Variants in RWDD4 observed in about 807,000 individuals in gnomAD.
RWDD4 encodes the protein RWD domain-containing protein 4.
Under a neutral mutation model 30.0 loss-of-function variants are expected in RWDD4, and 16 were observed. The observed-to-expected ratio is 0.53, with a 90% CI of 0.36 to 0.81. The LOEUF is 0.81. Ranked by LOEUF, RWDD4 falls within the 30% of genes least tolerant of loss-of-function variation. The pLI, the probability that RWDD4 is intolerant of heterozygous loss-of-function variation, is 0.00. For synonymous variants in RWDD4, 45 were observed against 72.1 expected (o/e 0.62, Z 1.90); for missense variants, 170 against 223.9 (o/e 0.76, Z 1.54).
intron 7 of RWDD4, among the ~76,000 whole-genome samples, chr4:183,642,314 C>T (rs1272214744): frequency 7.8e-6 from 1 of 127,556 alleles, no homozygotes; most frequent in Non-Finnish European, 1.6e-5. Flanking sequence ...CTCAGCCTCC[C>T]AAGTAGCTGG....
chr4:183,654,315 T>C (rs7668200), intron 2 of RWDD4, among the ~76,000 whole-genome samples: 11,140 of 152,040 alleles, frequency 0.073, 1,361 homozygotes, highest in African/African-American at 0.26. Flanking sequence ...TGCTTCAGAG[T>C]GCCAACTAGT....
In RWDD4 at chr4:183,642,464, C is replaced by T. The variant is rs1344563872; in HGVS notation, c.535-996G>A. ...TCGGCCTCCCAAAGTGCTGGGATTA[C>T]AGGCGTGAGCCACCACGCCCCACCC... is the stretch of plus-strand genomic sequence containing the variant. On this transcript the variant is annotated intron_variant, in intron 7 of 7. Transcript: ENST00000326397. 1.3e-5 allele frequency among the ~76,000 whole-genome samples: 2 copies of T among 151,796 alleles called. 1 individual carries two copies. Among genetic ancestry groups the T allele is most frequent in the Non-Finnish European group, 2.9e-5 (2 of 68,002 alleles).
intron 2 of RWDD4, among the ~76,000 whole-genome samples, chr4:183,651,977 G>A (rs1226192142): frequency 1.3e-5 from 2 of 152,058 alleles, no homozygotes; most frequent in Non-Finnish European, 2.9e-5. Context: ...AATACTTTCT[G>A]CCTCATTTAC....
chr4:183,653,506 T>C (rs1191042326), intron 2 of RWDD4: 2 of 152,184 alleles, frequency 1.3e-5, no homozygotes, highest in Non-Finnish European at 2.9e-5. Context: ...TAGCCTTCAT[T>C]AACAGTCCTT....
chr4:183,658,181 G>A (rs908343708), intron 1 of RWDD4, among the ~76,000 whole-genome samples: 7 of 152,158 alleles, frequency 4.6e-5, no homozygotes, highest in Non-Finnish European at 8.8e-5. Flanking sequence ...TAAGTTTCAA[G>A]CATTATACTT....
At chr4:183,654,283 G>A (rs982024817) in intron 2 of RWDD4, among the ~76,000 whole-genome samples, 1 of 152,188 alleles carries the variant, frequency 6.6e-6, no homozygotes, top group African/African-American at 2.4e-5. Flanking sequence ...TTTTAAAGAA[G>A]AGAATGGGAT....
intron 1 of RWDD4, 40 bp downstream of exon 1, chr4:183,658,889 G>A (rs1003614328): frequency 2.4e-6 from 3 of 1,238,636 alleles, no homozygotes; most frequent in Non-Finnish European, 2.0e-6. Context: ...GCTGCGCGCC[G>A]CGCCCGCGCT....
In RWDD4 at chr4:183,658,983, A is replaced by T; in HGVS notation, c.-31T>A. On this transcript the variant is annotated 5_prime_UTR_variant, in exon 1 of 8. Transcript: ENST00000326397. Reference sequence around the variant, plus strand: ...CGGTCGCGGGGCGCCTCCTGAGCGGACGGCGTTCGCAACAACGAAGAGAAA... The same window carrying T: ...CGGTCGCGGGGCGCCTCCTGAGCGGTCGGCGTTCGCAACAACGAAGAGAAA... 1 of 1,267,924 alleles carries T rather than the reference A, an allele frequency of 7.9e-7. No homozygotes were observed. Among genetic ancestry groups the T allele is most frequent in the African/African-American group, 1.5e-5 (1 of 65,934 alleles). The allele number at this position is 1,267,924 out of a possible 1,614,324, so 78.5% of individuals were successfully genotyped here. A position where few individuals can be genotyped will look rare whatever the true frequency, so the allele number is the denominator to read the frequency against.
Position 183,649,477 on chromosome 4 carries a change from T to C in RWDD4, c.455A>G (p.Gln152Arg). Residue 152 changes from glutamine to arginine, a missense_variant, in exon 5 of 8, where the codon CAG (glutamine) becomes CGG (arginine). Coordinates refer to ENST00000326397, the MANE Select transcript of RWDD4 (RefSeq NM_152682.4). The part of the protein sequence containing the change: ...KDKKEQLSKA[Q>R]KRKLADKTDH... ...TGTTTTGTCTGCCAGCTTACGCTTC[T>C]GGGCTTTTGAAAGTTGTTCTTTTTT... 6.2e-7 allele frequency: 1 copy of C among 1,611,462 alleles called. No individual in the cohort carries two copies.
intron 1 of RWDD4, among the ~76,000 whole-genome samples, chr4:183,658,387 A>C (rs767588437): frequency 6.6e-6 from 1 of 152,192 alleles, no homozygotes; most frequent in Non-Finnish European, 1.5e-5. Flanking sequence ...GCATCTCACA[A>C]GGAAATATTT....
At position 183,659,031 on chromosome 4, in the gene RWDD4, C is replaced by T; in HGVS notation, c.-79G>A. On this transcript the variant is annotated 5_prime_UTR_variant, in exon 1 of 8. Coordinates refer to ENST00000326397, the MANE Select transcript of RWDD4 (RefSeq NM_152682.4). ...AAAGCGAAGGCAGCGGCCCAGAGGC[C>T]GGGCGTCCCCCTTTCGCGCCTCGGC... 1.3e-5 allele frequency: 14 copies of T among 1,114,742 alleles called. No individual in the cohort carries two copies. The highest frequency in any genetic ancestry group is 1.6e-5 in the Non-Finnish European group (14 of 878,862). The allele number at this position is 1,114,742 out of a possible 1,614,324, so 69.1% of individuals were successfully genotyped here.
chr4:183,640,941 G>A lies in RWDD4; in HGVS notation c.*495C>T, dbSNP rs1733843404. On this transcript the variant is annotated 3_prime_UTR_variant, in exon 8 of 8. Coordinates refer to ENST00000326397, the MANE Select transcript of RWDD4 (RefSeq NM_152682.4). The stretch of plus-strand genomic sequence containing the variant: ...TATCATGTATAAAGTTCAAATACCA[G>A]CATTTAAATTTCTCTGAAGTAATTT... The A allele has an allele frequency of 6.6e-6, 1 of 152,268 alleles. No individual in the cohort carries two copies. Among genetic ancestry groups the A allele is most frequent in the Non-Finnish European group, 1.5e-5 (1 of 68,036 alleles). The allele number at this position is 152,268 out of a possible 1,614,324, so 9.4% of individuals were successfully genotyped here.
intron 2 of RWDD4, among the ~76,000 whole-genome samples, chr4:183,652,340 G>A (rs1334186666): frequency 4.1e-5 from 6 of 146,238 alleles, no homozygotes; most frequent in Non-Finnish European, 7.5e-5. Flanking sequence ...ATTTACAACA[G>A]TCCCCAGCCC....
At chr4:183,647,775 C>T (rs1315803462) in intron 5 of RWDD4, among the ~76,000 whole-genome samples, 1 of 152,168 alleles carries the variant, frequency 6.6e-6, no homozygotes, top group Non-Finnish European at 1.5e-5. Context: ...GAGTTTAATG[C>T]TGCTCTGACA....
At chr4:183,642,875 G>C (rs1339096658) in intron 7 of RWDD4, among the ~76,000 whole-genome samples, 1 of 150,792 alleles carries the variant, frequency 6.6e-6, no homozygotes, top group Admixed American at 6.6e-5. Flanking sequence ...TGGCTAACAC[G>C]GTGAAACCCC....
In RWDD4 at chr4:183,651,073, G is replaced by C; in HGVS notation, c.274C>G (p.Leu92Val). Residue 92 changes from leucine (L) to valine (V), a missense_variant, in exon 4 of 8, where the codon CTT becomes GTT. Transcript: ENST00000326397. ...AKLQEAVEAN[L>V]GTAMTYTLFE... ...AATGTATAGGTCATAGCGGTTCCAA[G>C]ATTAGCTTCTACTGCTTCCTGTAGC... The C allele has an allele frequency of 6.2e-7, 1 of 1,614,032 alleles. No individual in the cohort carries two copies. Among genetic ancestry groups the C allele is most frequent in the Non-Finnish European group, 8.5e-7 (1 of 1,179,986 alleles).
chr4:183,652,510 AT>A (rs1734101115), intron 2 of RWDD4, among the ~76,000 whole-genome samples: 1 of 149,906 alleles, frequency 6.7e-6, no homozygotes, highest in African/African-American at 2.5e-5. Flanking sequence ...GTAAAAAAAA[AT>A]AAAATAAAAA....
intron 7 of RWDD4, 52 bp from the exon 8 acceptor site, chr4:183,641,520 T>G (rs1246468816): frequency 5.8e-6 from 8 of 1,387,006 alleles, no homozygotes; most frequent in Non-Finnish European, 8.1e-6. Flanking sequence ...CTGAGTTCAC[T>G]ATTTCCATGG....
At chr4:183,643,511 T>C (rs1733910868) in intron 7 of RWDD4, among the ~76,000 whole-genome samples, 1 of 144,984 alleles carries the variant, frequency 6.9e-6, no homozygotes, top group Non-Finnish European at 1.5e-5. Context: ...GTGTACCCCC[T>C]GAGAGAGTCT....
Sources: gnomAD v4.1 joint callset for allele counts (sites outside exome capture counted in the v4.1 genomes callset) on GRCh38, gnomAD v4.1.1 for gene constraint, MANE v1.5 for transcripts, NCBI Gene and HGNC (gene_info 2026-07-23, HGNC 2026-07-21) for gene names.